ABCA4: variants seen among roughly 807,000 people sequenced by gnomAD.
ABCA4 encodes the protein retinal-specific phospholipid-transporting ATPase ABCA4.
ABCA4 carries 196 observed loss-of-function variants against 263.7 expected under a neutral mutation model. That is an observed-to-expected ratio of 0.74 (90% CI 0.66 to 0.84). The LOEUF is 0.84. ABCA4 is among the 40% of genes least tolerant of loss of function. The pLI is 0.00. For missense variants in ABCA4, 2,792 were observed against 2,855.1 expected, an observed-to-expected ratio of 0.98 and a Z score of 0.50; for synonymous variants, 1,133 against 1,094.2, an observed-to-expected ratio of 1.04 and a Z score of -0.70.
At chr1:94,094,118 G>A (rs1479217327) in intron 6 of ABCA4, among the ~76,000 whole-genome samples, 1 of 152,204 alleles carries the variant, frequency 6.6e-6, no homozygotes, top group Admixed American at 6.5e-5. Context: ...GGACCTCACT[G>A]TAAAATCCTG....
chr1:94,087,724 C>T (rs1047002961), intron 6 of ABCA4, among the ~76,000 whole-genome samples: 2 of 152,180 alleles, frequency 1.3e-5, no homozygotes, highest in Non-Finnish European at 2.9e-5. Context: ...AAAAATGAAA[C>T]CCACGGTTTC....
In ABCA4 at chr1:94,075,764, G is replaced by T. The variant is rs139326298; in HGVS notation, c.1554+1926C>A. On this transcript the variant is annotated intron_variant, in intron 11 of 49. Transcript: ENST00000370225. ...CAGACCTGGCCCATGGGCAAGAGTG[G>T]TCCACCCTTAGATGGAGTCATTTAC... Among the ~76,000 whole-genome samples the T allele has an allele frequency of 6.9e-3, 1,051 of 152,326 alleles. 11 individuals are homozygous for T. The highest frequency in any genetic ancestry group is 0.024 in the African/African-American group (1,006 of 41,570).
chr1:94,112,928 C>T (rs1391390745), intron 2 of ABCA4, 45 bp downstream of exon 2: 2 of 1,504,840 alleles, frequency 1.3e-6, no homozygotes, highest in East Asian at 2.3e-5. Flanking sequence ...AAGGCCCAGA[C>T]CAAAGTCTCT....
At chr1:94,071,167 C>G (rs1325746411) in intron 11 of ABCA4, among the ~76,000 whole-genome samples, 1 of 152,178 alleles carries the variant, frequency 6.6e-6, no homozygotes, top group Admixed American at 6.5e-5. Flanking sequence ...TGAGATACCA[C>G]TATTATGGCA....
Position 94,062,660 on chromosome 1 carries a change from C to A in ABCA4, c.1854G>T (p.Gly618=), listed in dbSNP as rs1304041034. 1 of 1,614,064 alleles carries A rather than the reference C, an allele frequency of 6.2e-7. No individual in the cohort carries two copies. Among genetic ancestry groups the A allele is most frequent in the Non-Finnish European group, 8.5e-7 (1 of 1,180,044 alleles). Reference sequence around the variant, plus strand: ...CCGCCTGCACCTGGCTCCTTGTGATCCCCTGTTCAACCATGTCCTGCAGAT... The same window carrying A: ...CCGCCTGCACCTGGCTCCTTGTGATACCCTGTTCAACCATGTCCTGCAGAT... The part of the protein sequence containing the change: ...FAYLQDMVEQ[G]ITRSQVQAEA... The change falls in exon 13 of 50, where the codon GGG becomes GGT. Residue 618 remains glycine, a synonymous_variant. Coordinates refer to ENST00000370225, the MANE Select transcript of ABCA4 (RefSeq NM_000350.3).
intron 29 of ABCA4, 135 bp from the exon 30 acceptor site, chr1:94,029,766 G>A (rs147380117): frequency 3.4e-6 from 3 of 889,572 alleles, no homozygotes; most frequent in East Asian, 5.3e-5. Flanking sequence ...CTTGGAGGCT[G>A]GTTTCTGCTC....
chr1:94,064,820 C>T (rs563274682), intron 11 of ABCA4, among the ~76,000 whole-genome samples: 1 of 152,222 alleles, frequency 6.6e-6, no homozygotes, highest in South Asian at 2.1e-4. Flanking sequence ...CACGTGCTTT[C>T]AGTGCTAAGA....
Position 94,041,303 on chromosome 1 carries a change from G to T in ABCA4, c.3428C>A (p.Thr1143Asn), listed in dbSNP as rs767894041. The T allele has an allele frequency of 1.2e-6, 2 of 1,614,004 alleles. No homozygotes were observed. Among genetic ancestry groups the T allele is most frequent in the East Asian group, 2.2e-5 (1 of 44,870 alleles). The part of the protein sequence containing the change: ...IAQGRLYCSG[T>N]PLFLKNCFGT... ...AAAGCAGTTCTTCAGGAAGAGTGGG[G>T]TGCCTGAGCAGTAGAGCCTTCCCTG... The change falls in exon 23 of 50, where the codon ACC (threonine) becomes AAC (asparagine). Residue 1143 changes from threonine (T) to asparagine (N), a missense_variant. Physicochemically the swap from Thr to Asn is moderately conservative, Grantham distance 65. Transcript: ENST00000370225.
At chr1:94,003,350 T>C (rs1243443738) in intron 44 of ABCA4, among the ~76,000 whole-genome samples, 2 of 147,556 alleles carry the variant, frequency 1.4e-5, no homozygotes, top group African/African-American at 2.6e-5. Flanking sequence ...AAGAATACAG[T>C]CTCCTTTTTT....
intron 35 of ABCA4, 56 bp from the exon 36 acceptor site, chr1:94,019,815 A>G: frequency 6.4e-7 from 1 of 1,563,816 alleles, no homozygotes; most frequent in Non-Finnish European, 8.7e-7. Context: ...GAGCAGAAGG[A>G]GGAGAAGATA....
At chr1:94,102,402 G>T (rs1349395565) in intron 5 of ABCA4, among the ~76,000 whole-genome samples, 1 of 151,880 alleles carries the variant, frequency 6.6e-6, no homozygotes, top group African/African-American at 2.4e-5. Flanking sequence ...CAGCTTCCAA[G>T]CCCGGAACTC....
chr1:94,046,455 C>CAAAAAAAAAAAAAAAAAA (rs61333901), intron 19 of ABCA4, among the ~76,000 whole-genome samples: 12 of 42,234 alleles, frequency 2.8e-4, no homozygotes, highest in East Asian at 9.5e-4. Flanking sequence ...GTTACTATCT[C>CAAAAAAAAAAAAAAAAAA]AAAAAAAAAA....
In ABCA4 at chr1:94,041,345, C is replaced by A. The variant is rs1801269; in HGVS notation, c.3386G>T (p.Arg1129Leu). The change falls in exon 23 of 50, where the codon CGC (arginine) becomes CTC (leucine). Residue 1129 changes from arginine (R) to leucine (L), a missense_variant. Arg to Leu is a moderately radical substitution (Grantham distance 102). Coordinates refer to ENST00000370225, the MANE Select transcript of ABCA4 (RefSeq NM_000350.3). ...HMDEADLLGD[R>L]IAIIAQGRLY... ...CCTTCCCTGGGCAATGATGGCAATGCGGTCCCCAAGGAGGTCGGCCTCGTC... is the reference window on the plus strand; with the variant it reads ...CCTTCCCTGGGCAATGATGGCAATGAGGTCCCCAAGGAGGTCGGCCTCGTC... The A allele has an allele frequency of 1.0e-4, 164 of 1,614,062 alleles. No individual in the cohort carries two copies. In the Admixed American group the frequency reaches 1.5e-3, roughly 15 times the overall value.
intron 17 of ABCA4, among the ~76,000 whole-genome samples, chr1:94,050,873 C>T (rs1451470916): frequency 6.6e-6 from 1 of 152,220 alleles, no homozygotes; most frequent in Non-Finnish European, 1.5e-5. Flanking sequence ...CCCAATAATA[C>T]AAAGTAAAGA....
intron 32 of ABCA4, among the ~76,000 whole-genome samples, chr1:94,023,019 T>A (rs952409740): frequency 1.3e-5 from 2 of 152,158 alleles, no homozygotes; most frequent in Non-Finnish European, 2.9e-5. Flanking sequence ...TGGCCCACAC[T>A]CCCTGAAGCT....
At chr1:94,111,632 G>T in intron 2 of ABCA4, 53 bp from the exon 3 acceptor site, 1 of 1,608,902 alleles carries the variant, frequency 6.2e-7, no homozygotes. Context: ...GACCAAGCAG[G>T]ATGCAGACCT....
At chr1:94,114,071 C>T (rs986510921) in intron 1 of ABCA4, among the ~76,000 whole-genome samples, 2 of 152,182 alleles carry the variant, frequency 1.3e-5, no homozygotes, top group Non-Finnish European at 2.9e-5. Flanking sequence ...AAGCAGCTGG[C>T]CGGGGAATAG....
intron 1 of ABCA4, among the ~76,000 whole-genome samples, chr1:94,116,411 G>T (rs555989677): frequency 6.6e-6 from 1 of 152,118 alleles, no homozygotes; most frequent in South Asian, 2.1e-4. Flanking sequence ...GGACATCAGG[G>T]TTCTTCTTTT....
intron 21 of ABCA4, 147 bp downstream of exon 21, chr1:94,043,189 G>A: frequency 8.4e-7 from 1 of 1,184,272 alleles, no homozygotes; most frequent in Non-Finnish European, 1.2e-6. Flanking sequence ...AATGATCTGG[G>A]GGCTGCTCTT....
Sources: gnomAD v4.1 joint callset for allele counts (sites outside exome capture counted in the v4.1 genomes callset) on GRCh38, gnomAD v4.1.1 for gene constraint, MANE v1.5 for transcripts, NCBI Gene and HGNC (gene_info 2026-07-23, HGNC 2026-07-21) for gene names.